PSMD14: variants seen among roughly 807,000 people sequenced by gnomAD.
The protein encoded by PSMD14 is proteasome 26S subunit, non-ATPase 14.
A neutral mutation model predicts 41.2 loss-of-function variants in PSMD14; 7 were observed. The observed-to-expected ratio is 0.17, with a 90% CI of 0.10 to 0.32. The LOEUF (loss-of-function observed/expected upper bound fraction) is 0.32, where lower values mean the gene tolerates loss of function less well. Ranked by LOEUF, PSMD14 falls within the 10% of genes least tolerant of loss-of-function variation. The pLI is 1.00. For missense variants in PSMD14, 139 were observed against 375.6 expected, an observed-to-expected ratio of 0.37 and a Z score of 5.21; for synonymous variants, 114 against 122.3, an observed-to-expected ratio of 0.93 and a Z score of 0.45.
chr2:161,322,432 CA>C (rs1682621295), intron 3 of PSMD14, among the ~76,000 whole-genome samples: 2 of 152,062 alleles, frequency 1.3e-5, no homozygotes, highest in African/African-American at 4.8e-5. Context: ...CTTTGTTGCC[CA>C]GTCTGGAGTA....
rs1005665921 is a variant in PSMD14 at position 161,391,301 on chromosome 2, A to G, written c.645+123A>G. ...TTTCAGTGTTTCCAAATATTATTCC[A>G]TTATTGATGAATTGCAGCACAAAAT... is the stretch of plus-strand genomic sequence containing the variant. On this transcript the variant is annotated intron_variant, in intron 9 of 11. Coordinates refer to ENST00000409682, the MANE Select transcript of PSMD14 (RefSeq NM_005805.6). 4 of 997,318 alleles carry G rather than the reference A, an allele frequency of 4.0e-6. No individual in the cohort carries two copies. In the African/African-American group the frequency reaches 6.5e-5, roughly 16 times the overall value. 61.8% of individuals were successfully genotyped at this position (997,318 alleles called of 1,614,324 possible).
intron 3 of PSMD14, among the ~76,000 whole-genome samples, chr2:161,360,602 G>T (rs2105252554): frequency 6.6e-6 from 1 of 152,230 alleles, no homozygotes; most frequent in South Asian, 2.1e-4. Flanking sequence ...TGATCCGCTT[G>T]CCTCTGCCTC....
chr2:161,362,911 G>C (rs575560106), intron 3 of PSMD14, among the ~76,000 whole-genome samples: 3 of 152,204 alleles, frequency 2.0e-5, no homozygotes, highest in African/African-American at 2.4e-5. Context: ...CTTCAGCTTT[G>C]CCTTTGTTTA....
chr2:161,341,170 C>T (rs1226587784), intron 3 of PSMD14: 3 of 979,098 alleles, frequency 3.1e-6, no homozygotes, highest in East Asian at 8.4e-5. Context: ...GGCGCCGGGG[C>T]CCCGGTGGCC....
At chr2:161,406,236 T>C (rs1444285640) in intron 10 of PSMD14, among the ~76,000 whole-genome samples, 1 of 152,160 alleles carries the variant, frequency 6.6e-6, no homozygotes, top group Non-Finnish European at 1.5e-5. Flanking sequence ...TATGATCACA[T>C]AACAGACCAA....
chr2:161,384,300 T>A (rs1289960478), intron 7 of PSMD14: 1 of 151,702 alleles, frequency 6.6e-6, no homozygotes, highest in Non-Finnish European at 1.5e-5. Flanking sequence ...TTTGGACCCA[T>A]CATAGCAATC....
intron 7 of PSMD14, among the ~76,000 whole-genome samples, chr2:161,376,993 A>G (rs183409319): frequency 6.6e-6 from 1 of 151,184 alleles, no homozygotes; most frequent in African/African-American, 2.4e-5. Context: ...GTCGTTTATT[A>G]AATGACTGGA....
intron 7 of PSMD14, among the ~76,000 whole-genome samples, chr2:161,379,559 A>G (rs896540492): frequency 4.6e-5 from 7 of 151,886 alleles, no homozygotes; most frequent in African/African-American, 1.7e-4. Context: ...TTATAACTTG[A>G]TTTTTAGGGT....
At chr2:161,325,024 T>G (rs1307705423) in intron 3 of PSMD14, among the ~76,000 whole-genome samples, 1 of 152,036 alleles carries the variant, frequency 6.6e-6, no homozygotes, top group Non-Finnish European at 1.5e-5. Flanking sequence ...AACCTGCAAG[T>G]TTTAAAGCAA....
intron 3 of PSMD14, among the ~76,000 whole-genome samples, chr2:161,359,287 A>G (rs1270506212): frequency 6.6e-6 from 1 of 152,142 alleles, no homozygotes; most frequent in African/African-American, 2.4e-5. Context: ...CAGTTCTTTA[A>G]AATACATTAA....
intron 6 of PSMD14, 30 bp from the exon 7 acceptor site, chr2:161,371,142 C>A: frequency 6.2e-7 from 1 of 1,605,934 alleles, no homozygotes; most frequent in Non-Finnish European, 8.5e-7. Context: ...TTGTTCTGTT[C>A]TGAGCATCTG....
chr2:161,351,197 G>T (rs1683114016), intron 3 of PSMD14, among the ~76,000 whole-genome samples: 1 of 152,140 alleles, frequency 6.6e-6, no homozygotes, highest in Non-Finnish European at 1.5e-5. Context: ...TACCTTTTTG[G>T]CATGATCAGG....
chr2:161,377,423 C>T lies in PSMD14; in HGVS notation c.462+6101C>T, dbSNP rs534779577. On this transcript the variant is annotated intron_variant, in intron 7 of 11. Coordinates refer to ENST00000409682, the MANE Select transcript of PSMD14 (RefSeq NM_005805.6). The stretch of plus-strand genomic sequence containing the variant: ...TTATTATCAGTTTGAAGTTTTATAA[C>T]ACTCTCAGATCTTGTGAGGACAGCT... 5.9e-5 allele frequency among the ~76,000 whole-genome samples: 9 copies of T among 151,974 alleles called. No individual in the cohort carries two copies. The South Asian group carries it at 1.9e-3, about 31-fold the overall frequency.
rs1443285650 is a variant in PSMD14 at position 161,389,894 on chromosome 2, T to G, written c.571-1210T>G. Among the ~76,000 whole-genome samples, 57 of 102,248 alleles carry G rather than the reference T, an allele frequency of 5.6e-4. 4 individuals are homozygous for G. In the South Asian group the frequency reaches 6.9e-3, roughly 12 times the overall value. The allele number at this position is 102,248 out of a possible 152,430, so 67.1% of individuals were successfully genotyped here. A position where few individuals can be genotyped will look rare whatever the true frequency, so the allele number is the denominator to read the frequency against. ...TATTTTCTTTCTTTTTTGTTGTTTT[T>G]TTTTTTTTTTTTTTTTTTAGAGATG... On this transcript the variant is annotated intron_variant, in intron 8 of 11. Coordinates refer to ENST00000409682, the MANE Select transcript of PSMD14 (RefSeq NM_005805.6).
chr2:161,350,700 T>A (rs1683106755), intron 3 of PSMD14, among the ~76,000 whole-genome samples: 1 of 152,252 alleles, frequency 6.6e-6, no homozygotes, highest in Non-Finnish European at 1.5e-5. Context: ...GATTTCATGT[T>A]CACATAAATA....
intron 11 of PSMD14, among the ~76,000 whole-genome samples, chr2:161,411,034 T>G (rs1196750610): frequency 6.6e-6 from 1 of 152,124 alleles, no homozygotes; most frequent in African/African-American, 2.4e-5. Flanking sequence ...TAGAATTCCT[T>G]GTTACTCTTT....
At chr2:161,386,842 C>A (rs1383640526) in intron 8 of PSMD14, among the ~76,000 whole-genome samples, 2 of 151,984 alleles carry the variant, frequency 1.3e-5, no homozygotes, top group Non-Finnish European at 2.9e-5. Flanking sequence ...TTGCAAGTCA[C>A]TCACCACCTG....
Position 161,343,858 on chromosome 2 carries a change from G to C in PSMD14, c.49-23620G>C, listed in dbSNP as rs142758439. Among the ~76,000 whole-genome samples, 301 of 151,666 alleles carry C rather than the reference G, an allele frequency of 2.0e-3. 3 individuals carry two copies. The highest frequency in any genetic ancestry group is 6.8e-3 in the African/African-American group (282 of 41,308). ...AAAAAAAAAATGTCTTTGAGTCTCT[G>C]CTTTTAGTTCTTTTGGGTATATAGG... On this transcript the variant is annotated intron_variant, in intron 3 of 11. Coordinates refer to ENST00000409682, the MANE Select transcript of PSMD14 (RefSeq NM_005805.6).
At chr2:161,362,164 C>T (rs1017765141) in intron 3 of PSMD14, among the ~76,000 whole-genome samples, 13 of 152,132 alleles carry the variant, frequency 8.5e-5, no homozygotes, top group African/African-American at 2.9e-4. Context: ...CTTTCGGGTT[C>T]AAGCCATCTT....
Sources: gnomAD v4.1 joint callset for allele counts (sites outside exome capture counted in the v4.1 genomes callset) on GRCh38, gnomAD v4.1.1 for gene constraint, MANE v1.5 for transcripts, NCBI Gene and HGNC (gene_info 2026-07-23, HGNC 2026-07-21) for gene names.